KIAA0825: variants seen among roughly 807,000 people sequenced by gnomAD.
The protein encoded by KIAA0825 is uncharacterized protein KIAA0825.
Under a neutral mutation model 147.6 loss-of-function variants are expected in KIAA0825, and 119 were observed. The ratio of observed to expected loss-of-function variants is 0.81; its 90% confidence interval spans 0.69 to 0.94. The LOEUF is 0.94. Among genes scored for constraint, KIAA0825 ranks in the 40% least tolerant of loss-of-function variants. KIAA0825 has a pLI of 0.00. For missense variants in KIAA0825, 1,381 were observed against 1,472.7 expected (o/e 0.94, Z 1.02); for synonymous variants, 470 against 518.1 (o/e 0.91, Z 1.26).
In KIAA0825 at chr5:94,182,136, C is replaced by T. The variant is rs137987198; in HGVS notation, c.3711-28012G>A. 6.6e-4 allele frequency among the ~76,000 whole-genome samples: 100 copies of T among 151,914 alleles called. 1 individual carries two copies. The highest frequency in any genetic ancestry group is 2.3e-3 in the African/African-American group (96 of 41,402). ...TCCTACCCTTCAGTGGGACCTTCAG[C>T]GCACCCTATAGACAATGCAGGCTCA... On this transcript the variant is annotated intron_variant, in intron 20 of 20. Coordinates refer to ENST00000682413, the MANE Select transcript of KIAA0825 (RefSeq NM_001145678.3).
chr5:94,245,992 T>C (rs1459258783), intron 20 of KIAA0825, among the ~76,000 whole-genome samples: 2 of 152,158 alleles, frequency 1.3e-5, no homozygotes, highest in Non-Finnish European at 2.9e-5. Context: ...CACAGATCTA[T>C]AATCTGTCTT....
chr5:94,164,495 T>A (rs539104325), intron 20 of KIAA0825, among the ~76,000 whole-genome samples: 1 of 151,966 alleles, frequency 6.6e-6, no homozygotes, highest in South Asian at 2.1e-4. Context: ...CACTGCAACC[T>A]CTGCCTCCCA....
chr5:94,184,252 T>C (rs1325450738), intron 20 of KIAA0825, among the ~76,000 whole-genome samples: 1 of 152,184 alleles, frequency 6.6e-6, no homozygotes, highest in Non-Finnish European at 1.5e-5. Context: ...GAAAGAAATA[T>C]GACTATCAGG....
Position 94,272,523 on chromosome 5 carries a change from G to A in KIAA0825, c.3710+111845C>T, listed in dbSNP as rs570014967. Among the ~76,000 whole-genome samples, 11 of 152,106 alleles carry A rather than the reference G, an allele frequency of 7.2e-5. No individual in the cohort carries two copies. In the East Asian group the frequency reaches 2.1e-3, roughly 29 times the overall value. ...AATAAAAAGTTTAAGTAAAAAACAA[G>A]ACATAATACAAATTTTATTATTTCT... On this transcript the variant is annotated intron_variant, in intron 20 of 20. Coordinates refer to ENST00000682413, the MANE Select transcript of KIAA0825 (RefSeq NM_001145678.3).
At chr5:94,189,613 A>G (rs1410733506) in intron 20 of KIAA0825, among the ~76,000 whole-genome samples, 1 of 152,116 alleles carries the variant, frequency 6.6e-6, no homozygotes, top group Admixed American at 6.5e-5. Context: ...TAGACTCTTT[A>G]TTAAGATTCA....
intron 13 of KIAA0825, among the ~76,000 whole-genome samples, chr5:94,443,930 G>C (rs1418342979): frequency 6.6e-6 from 1 of 152,192 alleles, no homozygotes; most frequent in Non-Finnish European, 1.5e-5. Context: ...GAAGCTGCAA[G>C]ACTAGCAGAA....
At chr5:94,315,338 C>G (rs1398659990) in intron 20 of KIAA0825, among the ~76,000 whole-genome samples, 1 of 151,488 alleles carries the variant, frequency 6.6e-6, no homozygotes, top group East Asian at 1.9e-4. Context: ...AAATCAGAGG[C>G]CTAGAGGTAA....
chr5:94,336,084 T>A (rs928287375), intron 20 of KIAA0825, among the ~76,000 whole-genome samples: 2 of 152,048 alleles, frequency 1.3e-5, no homozygotes, highest in Admixed American at 1.3e-4. Flanking sequence ...TCATAAATCA[T>A]TGCAGCCAGG....
chr5:94,482,996 C>T (rs1228467088), intron 6 of KIAA0825, among the ~76,000 whole-genome samples: 1 of 151,980 alleles, frequency 6.6e-6, no homozygotes, highest in Non-Finnish European at 1.5e-5. Context: ...TGTATTTGCT[C>T]TGTTGACTTT....
chr5:94,586,198 A>G (rs146890175), intron 1 of KIAA0825, among the ~76,000 whole-genome samples: 2,727 of 152,308 alleles, frequency 0.018, 65 homozygotes, highest in African/African-American at 0.053. Context: ...TCAGAGCAGA[A>G]CTGAAGGAGA....
At chr5:94,464,312 G>T (rs1374930298) in intron 11 of KIAA0825, among the ~76,000 whole-genome samples, 2 of 152,088 alleles carry the variant, frequency 1.3e-5, no homozygotes, top group Non-Finnish European at 1.5e-5. Context: ...AGTGACTGCT[G>T]CTCCTCATTT....
chr5:94,419,439 T>C (rs1470317501), intron 14 of KIAA0825, among the ~76,000 whole-genome samples: 1 of 152,142 alleles, frequency 6.6e-6, no homozygotes, highest in Non-Finnish European at 1.5e-5. Flanking sequence ...AAATTCCTTA[T>C]CCTGATTGAG....
chr5:94,352,792 G>A (rs1783828068), intron 20 of KIAA0825, among the ~76,000 whole-genome samples: 1 of 152,190 alleles, frequency 6.6e-6, no homozygotes, highest in Admixed American at 6.5e-5. Context: ...GGATGAGATT[G>A]GAGACTATTA....
intron 15 of KIAA0825, among the ~76,000 whole-genome samples, chr5:94,409,631 T>C (rs1269789759): frequency 2.0e-5 from 3 of 152,104 alleles, no homozygotes; most frequent in African/African-American, 7.2e-5. Context: ...AAAAAACAAC[T>C]ATTGAGAAAC....
intron 20 of KIAA0825, among the ~76,000 whole-genome samples, chr5:94,312,191 A>C (rs957889415): frequency 6.6e-6 from 1 of 151,546 alleles, no homozygotes; most frequent in African/African-American, 2.4e-5. Context: ...CATGTGATAT[A>C]GTTTGTTTAT....
chr5:94,616,030 T>C (rs1439669999), intron 1 of KIAA0825, among the ~76,000 whole-genome samples: 1 of 152,114 alleles, frequency 6.6e-6, no homozygotes, highest in Non-Finnish European at 1.5e-5. Context: ...TCATGGTTCC[T>C]GACTTATTTA....
chr5:94,238,746 C>CTG (rs1775194918), intron 20 of KIAA0825, among the ~76,000 whole-genome samples: 1 of 152,064 alleles, frequency 6.6e-6, no homozygotes. Context: ...CTCTCTCTCT[C>CTG]TGCCTGCATT....
intron 14 of KIAA0825, among the ~76,000 whole-genome samples, chr5:94,426,840 A>G (rs1584461295): frequency 6.6e-6 from 1 of 152,350 alleles, no homozygotes; most frequent in African/African-American, 2.4e-5. Flanking sequence ...TATGTAAAAT[A>G]TCATGTATCA....
chr5:94,273,975 G>A (rs1777102899), intron 20 of KIAA0825, among the ~76,000 whole-genome samples: 1 of 152,074 alleles, frequency 6.6e-6, no homozygotes, highest in Non-Finnish European at 1.5e-5. Context: ...TATGAAATAG[G>A]TATAATTGGT....
Sources: allele counts gnomAD v4.1 joint callset (sites outside exome capture counted in the v4.1 genomes callset), GRCh38; gene constraint gnomAD v4.1.1; transcripts MANE v1.5; gene names NCBI Gene and HGNC (gene_info 2026-07-23, HGNC 2026-07-21).